Variants in NGEF observed in about 807,000 individuals in gnomAD.
The protein encoded by NGEF is ephexin-1.
A neutral mutation model predicts 80.9 loss-of-function variants in NGEF; 31 were observed. The observed-to-expected ratio is 0.38, with a 90% CI of 0.29 to 0.52. NGEF has a LOEUF of 0.52. Among genes scored for constraint, NGEF ranks in the 20% least tolerant of loss-of-function variants. The pLI is 0.84. For synonymous variants in NGEF, 371 were observed against 370.2 expected, an observed-to-expected ratio of 1.00 and a Z score of -0.03; for missense variants, 709 against 926.2, an observed-to-expected ratio of 0.77 and a Z score of 3.04.
At chr2:232,941,851 T>C (rs1470530428) in intron 3 of NGEF, among the ~76,000 whole-genome samples, 4 of 152,200 alleles carry the variant, frequency 2.6e-5, no homozygotes, top group African/African-American at 9.7e-5. Context: ...GAATCACGAA[T>C]TCAACTTTTA....
At chr2:232,903,480 A>C (rs1187586171) in intron 5 of NGEF, among the ~76,000 whole-genome samples, 2 of 152,144 alleles carry the variant, frequency 1.3e-5, no homozygotes, top group Non-Finnish European at 2.9e-5. Context: ...GTGTCTGACG[A>C]GGGAACTGGG....
intron 1 of NGEF, among the ~76,000 whole-genome samples, chr2:232,977,415 T>C (rs981761998): frequency 3.3e-5 from 5 of 152,234 alleles, no homozygotes; most frequent in Admixed American, 3.3e-4. Context: ...GGGTGCTGCT[T>C]TGGGGGCTGA....
At chr2:232,935,549 T>C (rs1201258507) in intron 3 of NGEF, among the ~76,000 whole-genome samples, 1 of 151,662 alleles carries the variant, frequency 6.6e-6, no homozygotes, top group East Asian at 1.9e-4. Context: ...GCCCAGGAGG[T>C]GGAGGTTACA....
intron 5 of NGEF, among the ~76,000 whole-genome samples, chr2:232,917,949 T>TTTAC (rs1236973144): frequency 6.6e-6 from 1 of 151,844 alleles, no homozygotes; most frequent in East Asian, 1.9e-4. Context: ...AATTAATTAT[T>TTTAC]TTACTTATTT....
In NGEF at chr2:232,974,824, T is replaced by C; in HGVS notation, c.67A>G (p.Thr23Ala). 1 of 1,614,232 alleles carries C rather than the reference T, an allele frequency of 6.2e-7. No homozygotes were observed. The highest frequency in any genetic ancestry group is 8.5e-7 in the Non-Finnish European group (1 of 1,180,032). Residue 23 changes from threonine (T) to alanine (A), a missense_variant, in exon 2 of 15, where the codon ACT (threonine) becomes GCT (alanine). By Grantham distance (58) the Thr-to-Ala change is moderately conservative. Coordinates refer to ENST00000264051, the MANE Select transcript of NGEF (RefSeq NM_019850.3). ...RRKSASDQWN[T>A]DNEPAKVKPE... ...TTCACCTTGGCTGGTTCATTATCAG[T>C]GTTCCATTGATCACTTGCTGATTTC...
At chr2:232,920,140 G>T in intron 5 of NGEF, 144 bp downstream of exon 5, 1 of 730,238 alleles carries the variant, frequency 1.4e-6, no homozygotes, top group Non-Finnish European at 2.2e-6. Flanking sequence ...TTATTTTTCT[G>T]CATGTTCTAG....
chr2:232,916,464 A>T (rs931927663), intron 5 of NGEF, among the ~76,000 whole-genome samples: 1 of 151,976 alleles, frequency 6.6e-6, no homozygotes, highest in Non-Finnish European at 1.5e-5. Flanking sequence ...TGAAAATATT[A>T]AAAAAAAGAA....
intron 3 of NGEF, among the ~76,000 whole-genome samples, chr2:232,933,729 G>A (rs760644474): frequency 6.6e-6 from 1 of 152,230 alleles, no homozygotes; most frequent in African/African-American, 2.4e-5. Flanking sequence ...GCTTTTTCAA[G>A]TGCTGTTCCC....
Position 232,891,438 on chromosome 2 carries a change from G to C in NGEF, c.1192C>G (p.Pro398Ala). 1 of 1,613,440 alleles carries C rather than the reference G, an allele frequency of 6.2e-7. No individual in the cohort carries two copies. Among genetic ancestry groups the C allele is most frequent in the Non-Finnish European group, 8.5e-7 (1 of 1,179,966 alleles). The stretch of plus-strand genomic sequence containing the variant: ...GAGAAGGGCAGCCCCCTGCACTTGG[G>C]GTCGAGCTCTAGCTGCGCGATCAGC... ...RELIAQLELD[P>A]KCRGLPFSSF... Residue 398 changes from proline (P) to alanine (A), a missense_variant, in exon 8 of 15, where the codon CCC (proline) becomes GCC (alanine). Physicochemically the swap from Pro to Ala is conservative, Grantham distance 27 (BLOSUM62 -1). This residue lies in a region of NGEF where 426 missense variants were observed against 622.9 expected (regional missense o/e 0.68). Transcript: ENST00000264051.
chr2:232,979,684 G>GCATT (rs1290756744), intron 1 of NGEF, among the ~76,000 whole-genome samples: 1 of 152,020 alleles, frequency 6.6e-6, no homozygotes, highest in Non-Finnish European at 1.5e-5. Flanking sequence ...TGGTGCACTT[G>GCATT]CATTCATTCA....
In NGEF at chr2:232,891,406, G is replaced by A; in HGVS notation, c.1224C>T (p.Phe408=). Residue 408 remains phenylalanine (F), a synonymous_variant, in exon 8 of 15, where the codon TTC becomes TTT. Transcript: ENST00000264051. ...PKCRGLPFSS[F]LILPFQRITR... is the part of the protein sequence containing the mutation. Reference sequence around the variant, plus strand: ...TGATCCTCTGGAAAGGCAGGATGAGGAAGGAGGAGAAGGGCAGCCCCCTGC... The same window carrying A: ...TGATCCTCTGGAAAGGCAGGATGAGAAAGGAGGAGAAGGGCAGCCCCCTGC... 3 of 1,613,652 alleles carry A rather than the reference G, an allele frequency of 1.9e-6. No individual in the cohort carries two copies. The highest frequency in any genetic ancestry group is 2.2e-5 in the East Asian group (1 of 44,886).
chr2:232,967,706 G>GGTGTGTGTGTGTGTGT (rs10686172), intron 3 of NGEF, among the ~76,000 whole-genome samples: 1 of 148,348 alleles, frequency 6.7e-6, no homozygotes. Context: ...ATAAAATAGG[G>GGTGTGTGTGTGTGTGT]GTGTGTGTGT....
At position 232,894,824 on chromosome 2, in the gene NGEF, C is replaced by T. The variant is rs1559196130; in HGVS notation, c.921G>A (p.Lys307=). ...SHFMENERIR[K]ILHPSEAHIL... ...TGTGCGCCTCGGACGGGTGCAGGAT[C>T]TTCCTTATCCGCTCGTTCTCCATGA... The change falls in exon 6 of 15, where the codon AAG becomes AAA. Residue 307 remains lysine (K), a synonymous_variant. Transcript: ENST00000264051. 6.2e-7 allele frequency: 1 copy of T among 1,611,732 alleles called. No homozygotes were observed. The highest frequency in any genetic ancestry group is 8.5e-7 in the Non-Finnish European group (1 of 1,178,970).
At chr2:232,902,359 G>A (rs950440985) in intron 5 of NGEF, among the ~76,000 whole-genome samples, 7 of 152,204 alleles carry the variant, frequency 4.6e-5, no homozygotes, top group Non-Finnish European at 7.3e-5. Flanking sequence ...CCGCTGCAGC[G>A]CAGTCTTTAG....
chr2:232,894,000 C>T (rs1199131091), intron 6 of NGEF, among the ~76,000 whole-genome samples: 4 of 152,186 alleles, frequency 2.6e-5, no homozygotes, highest in African/African-American at 9.7e-5. Context: ...AGCGGATCCC[C>T]ACTGCTCAGA....
chr2:232,896,866 A>ATAGGGGTGAGGGTGTGGG (rs1203767557), intron 5 of NGEF, among the ~76,000 whole-genome samples: 5 of 64,344 alleles, frequency 7.8e-5, no homozygotes, highest in Admixed American at 1.7e-4. Context: ...GACGGTGGGT[A>ATAGGGGTGAGGGTGTGGG]TAGGGGTGAG....
chr2:232,901,857 C>T (rs563685491), intron 5 of NGEF, among the ~76,000 whole-genome samples: 15 of 152,346 alleles, frequency 9.8e-5, no homozygotes, highest in African/African-American at 2.9e-4. Flanking sequence ...GGGACGTCGC[C>T]GTGACACCTC....
chr2:233,012,075 A>AAGAG (rs145842578), intron 1 of NGEF, among the ~76,000 whole-genome samples: 24 of 150,934 alleles, frequency 1.6e-4, no homozygotes, highest in Admixed American at 1.3e-3. Flanking sequence ...TAAATGGAAA[A>AAGAG]AGAGAGAGAG....
intron 1 of NGEF, among the ~76,000 whole-genome samples, chr2:232,978,772 A>T (rs182451498): frequency 3.9e-5 from 6 of 152,060 alleles, no homozygotes; most frequent in African/African-American, 1.4e-4. Context: ...CTTGCTGGAG[A>T]GCAGTGGTGC....
Sources: allele counts gnomAD v4.1 joint callset (sites outside exome capture counted in the v4.1 genomes callset), GRCh38; gene constraint gnomAD v4.1.1; regional missense constraint gnomAD v4.1.1; transcripts MANE v1.5; gene names NCBI Gene and HGNC (gene_info 2026-07-23, HGNC 2026-07-21).